The following KIF11 variants were observed in gnomAD, a reference collection of about 807,000 sequenced individuals.
KIF11 encodes the protein kinesin-like protein KIF11.
Under a neutral mutation model 121.0 loss-of-function variants are expected in KIF11, and 9 were observed. That is an observed-to-expected ratio of 0.07 (90% CI 0.04 to 0.13). The LOEUF (loss-of-function observed/expected upper bound fraction) is 0.13, where lower values mean the gene tolerates loss of function less well. Among genes scored for constraint, KIF11 ranks in the 10% least tolerant of loss-of-function variants. The pLI is 1.00. For missense variants in KIF11, 846 were observed against 1,217.5 expected, an observed-to-expected ratio of 0.69 and a Z score of 4.54; for synonymous variants, 408 against 421.0, an observed-to-expected ratio of 0.97 and a Z score of 0.38.
chr10:92,623,887 C>CT lies in KIF11; in HGVS notation c.1217+2423dup, dbSNP rs199719601. ...TGATTGAAAATATGGTGTTTGCTCT[C>CT]TTTTTTTTTAACTTTTATTTTAGTT... On this transcript the variant is annotated intron_variant, in intron 10 of 21. Coordinates refer to ENST00000260731, the MANE Select transcript of KIF11 (RefSeq NM_004523.4). 8.7e-3 allele frequency among the ~76,000 whole-genome samples: 1,321 copies of CT among 151,070 alleles called. 20 individuals are homozygous for CT. The highest frequency in any genetic ancestry group is 0.03 in the African/African-American group (1,254 of 41,178).
Position 92,612,965 on chromosome 10 carries a change from C to A in KIF11, c.699-75C>A, listed in dbSNP as rs879644356. ...CTCATGTGGATTTAGATCTTCTTTC[C>A]TGTTTTCAGTATTTCAGAAGCAGCA... On this transcript the variant is annotated intron_variant, in intron 6 of 21. Coordinates refer to ENST00000260731, the MANE Select transcript of KIF11 (RefSeq NM_004523.4). 5.1e-6 allele frequency: 4 copies of A among 781,558 alleles called. No homozygotes were observed. The Admixed American group carries it at 7.6e-5, about 15-fold the overall frequency. The allele number at this position is 781,558 out of a possible 1,614,324, so 48.4% of individuals were successfully genotyped here.
chr10:92,649,748 CAA>C, intron 19 of KIF11, 85 bp from the exon 20 acceptor site: 1 of 848,198 alleles, frequency 1.2e-6, no homozygotes, highest in South Asian at 2.1e-5. Context: ...TTTTAGAAGA[CAA>C]GATTAATTAG....
chr10:92,599,404 A>C (rs1029991490), intron 1 of KIF11, among the ~76,000 whole-genome samples: 5 of 151,062 alleles, frequency 3.3e-5, no homozygotes, highest in African/African-American at 9.7e-5. Context: ...GCGTGCCTGT[A>C]GTCCCAGCTA....
intron 1 of KIF11, 100 bp downstream of exon 1, chr10:92,593,552 G>T: frequency 2.9e-6 from 3 of 1,019,264 alleles, no homozygotes; most frequent in Non-Finnish European, 4.3e-6. Flanking sequence ...TTTCCTGAGG[G>T]TCCCAGTTTC....
At position 92,621,288 on chromosome 10, in the gene KIF11, A is replaced by G. The variant is rs1844614703; in HGVS notation, c.1129-97A>G. The G allele has an allele frequency of 4.9e-6, 3 of 613,988 alleles. No homozygotes were observed. In the South Asian group the frequency reaches 7.5e-5, roughly 15 times the overall value. The allele number at this position is 613,988 out of a possible 1,614,324, so 38.0% of individuals were successfully genotyped here. ...CATACTTCTTTAAGTTTTAAAAGAC[A>G]TAAAAAGGCTAACTTTACATTTTAT... On this transcript the variant is annotated intron_variant, in intron 9 of 21. Coordinates refer to ENST00000260731, the MANE Select transcript of KIF11 (RefSeq NM_004523.4).
intron 6 of KIF11, among the ~76,000 whole-genome samples, chr10:92,610,975 A>T (rs905402923): frequency 2.0e-5 from 3 of 152,258 alleles, no homozygotes; most frequent in African/African-American, 2.4e-5. Context: ...ACTAAAGACT[A>T]GGTAAAATTT....
At chr10:92,614,101 A>ATTTTT (rs199546714) in intron 8 of KIF11, among the ~76,000 whole-genome samples, 2 of 133,436 alleles carry the variant, frequency 1.5e-5, no homozygotes, top group Admixed American at 7.6e-5. Context: ...TAGTAGCTTC[A>ATTTTT]TTTTTTTTTT....
At chr10:92,594,285 G>A (rs1013332932) in intron 1 of KIF11, among the ~76,000 whole-genome samples, 1 of 152,160 alleles carries the variant, frequency 6.6e-6, no homozygotes, top group Admixed American at 6.6e-5. Flanking sequence ...AGAAAAACTT[G>A]TATCAACAAA....
rs1409286166 is a variant in KIF11, at chr10:92,609,289, AGAGAGAGAGAGAGAGT to A, written c.573+86_574-79del. On this transcript the variant is annotated intron_variant, in intron 5 of 21. Transcript: ENST00000260731. The stretch of plus-strand genomic sequence containing the variant: ...GTCAGAGAGAGAGAGAGAGAGAGAG[AGAGAGAGAGAGAGAGT>A]GTGTGTGTGTGTGTGTGTGTGTGTG... 452 of 1,349,088 alleles carry A rather than the reference AGAGAGAGAGAGAGAGT, an allele frequency of 3.4e-4. No individual in the cohort carries two copies. In the African/African-American group the frequency reaches 3.4e-3, roughly 10 times the overall value. 83.6% of individuals were successfully genotyped at this position (1,349,088 alleles called of 1,614,324 possible). A position where few individuals can be genotyped will look rare whatever the true frequency, so the allele number is the denominator to read the frequency against.
At chr10:92,596,289 T>C (rs1034758678) in intron 1 of KIF11, among the ~76,000 whole-genome samples, 14 of 152,238 alleles carry the variant, frequency 9.2e-5, no homozygotes, top group African/African-American at 3.1e-4. Flanking sequence ...AGGCGTGAGC[T>C]ACGGAGCCCG....
rs762857374 is a variant in KIF11 at position 92,650,499 on chromosome 10, C to T, written c.3021C>T (p.Gly1007=). 33 of 1,607,198 alleles carry T rather than the reference C, an allele frequency of 2.1e-5. No homozygotes were observed. The highest frequency in any genetic ancestry group is 1.6e-4 in the South Asian group (15 of 90,916). Residue 1007 remains glycine (G), a synonymous_variant, in exon 21 of 22, where the codon GGC becomes GGT. Transcript: ENST00000260731. ...CTGGTGTGGATTGTTCATCAATTGG[C>T]GGGGTTCCATTTTTCCAGGTATGTC... The part of the protein sequence containing the change: ...VDAGVDCSSI[G]GVPFFQHKKS...
At chr10:92,610,480 C>A (rs1844483653) in intron 6 of KIF11, among the ~76,000 whole-genome samples, 1 of 152,074 alleles carries the variant, frequency 6.6e-6, no homozygotes, top group Non-Finnish European at 1.5e-5. Flanking sequence ...CTTGTAAAGA[C>A]CCGTACAGGA....
intron 9 of KIF11, among the ~76,000 whole-genome samples, chr10:92,618,557 A>G (rs1844584149): frequency 6.6e-6 from 1 of 150,800 alleles, no homozygotes; most frequent in African/African-American, 2.5e-5. Flanking sequence ...GAGACAGGAG[A>G]ATTGCTTGAA....
At chr10:92,634,545 A>G (rs1287000377) in intron 14 of KIF11, among the ~76,000 whole-genome samples, 1 of 152,096 alleles carries the variant, frequency 6.6e-6, no homozygotes, top group East Asian at 1.9e-4. Context: ...AAGCGCTGGG[A>G]TTACAGGCGT....
chr10:92,608,057 ACT>A (rs1389546137), intron 4 of KIF11, among the ~76,000 whole-genome samples: 1 of 145,950 alleles, frequency 6.9e-6, no homozygotes. Flanking sequence ...TGAGAACGAG[ACT>A]CTGTCTCAAA....
In KIF11 at chr10:92,654,568, A is replaced by C. The variant is rs1035772974; in HGVS notation, c.*772A>C. On this transcript the variant is annotated 3_prime_UTR_variant, in exon 22 of 22. Transcript: ENST00000260731. Reference sequence around the variant, plus strand: ...CTCACTTTCTCCCTTTTTATTTTTCACCAAACCATTTGTAGAGCTACAAAA... The same window carrying C: ...CTCACTTTCTCCCTTTTTATTTTTCCCCAAACCATTTGTAGAGCTACAAAA... 2.0e-5 allele frequency: 3 copies of C among 151,870 alleles called. No individual in the cohort carries two copies. Among genetic ancestry groups the C allele is most frequent in the African/African-American group, 7.3e-5 (3 of 41,316 alleles). 9.4% of individuals were successfully genotyped at this position (151,870 alleles called of 1,614,324 possible).
chr10:92,634,386 C>A (rs530151142), intron 14 of KIF11, among the ~76,000 whole-genome samples: 164 of 152,024 alleles, frequency 1.1e-3, no homozygotes, highest in Non-Finnish European at 1.9e-3. Context: ...TCTCTTGCCT[C>A]AGCCTCCCGG....
chr10:92,632,426 C>T lies in KIF11; in HGVS notation c.1495-60C>T, dbSNP rs1463390939. The T allele has an allele frequency of 2.7e-6, 3 of 1,100,478 alleles. No homozygotes were observed. The African/African-American group carries it at 4.7e-5, about 17-fold the overall frequency. The allele number at this position is 1,100,478 out of a possible 1,614,324, so 68.2% of individuals were successfully genotyped here. A position where few individuals can be genotyped will look rare whatever the true frequency, so the allele number is the denominator to read the frequency against. ...ATCAAGATAAATCCTTGTGTAGATACTTTCATCAGATTCCTTTCACCGTAT... is the reference window on the plus strand; with the variant it reads ...ATCAAGATAAATCCTTGTGTAGATATTTTCATCAGATTCCTTTCACCGTAT... On this transcript the variant is annotated intron_variant, in intron 12 of 21. Coordinates refer to ENST00000260731, the MANE Select transcript of KIF11 (RefSeq NM_004523.4).
chr10:92,627,738 AGTG>A (rs1262274965), intron 10 of KIF11, among the ~76,000 whole-genome samples: 1 of 152,164 alleles, frequency 6.6e-6, no homozygotes, highest in African/African-American at 2.4e-5. Flanking sequence ...TAGATGAAAA[AGTG>A]GTGATCTCAG....
Sources: allele counts gnomAD v4.1 joint callset (sites outside exome capture counted in the v4.1 genomes callset), GRCh38; gene constraint gnomAD v4.1.1; transcripts MANE v1.5; gene names NCBI Gene and HGNC (gene_info 2026-07-23, HGNC 2026-07-21).